PIP4P2: variants seen among roughly 807,000 people sequenced by gnomAD.
PIP4P2 encodes phosphatidylinositol-4,5-bisphosphate 4-phosphatase 2, also known as type 2 phosphatidylinositol 4,5-bisphosphate 4-phosphatase.
A neutral mutation model predicts 33.3 loss-of-function variants in PIP4P2; 19 were observed. The ratio of observed to expected loss-of-function variants is 0.57; its 90% CI spans 0.40 to 0.84. The LOEUF is 0.84. Among genes scored for constraint, PIP4P2 ranks in the 40% least tolerant of loss-of-function variants. The probability of loss-of-function intolerance (pLI) is 0.00; values close to 1 mark genes in which losing one functional copy is unlikely to be tolerated. For synonymous variants in PIP4P2, 110 were observed against 111.9 expected, an observed-to-expected ratio of 0.98 and a Z score of 0.11; for missense variants, 270 against 324.7, an observed-to-expected ratio of 0.83 and a Z score of 1.29.
chr8:90,995,912 G>T, intron 6 of PIP4P2, 92 bp from the exon 7 acceptor site: 1 of 1,363,438 alleles, frequency 7.3e-7, no homozygotes, highest in Non-Finnish European at 9.7e-7. Flanking sequence ...TGATTGTTAT[G>T]AAATATACCC....
intron 5 of PIP4P2, among the ~76,000 whole-genome samples, chr8:90,997,339 A>T (rs1811642113): frequency 6.6e-6 from 1 of 152,050 alleles, no homozygotes; most frequent in Non-Finnish European, 1.5e-5. Context: ...TAATTAAAAA[A>T]TTTTCTACTA....
intron 4 of PIP4P2, among the ~76,000 whole-genome samples, chr8:91,011,079 ATAGGCAACTGG>A (rs1811832299): frequency 6.7e-6 from 1 of 148,614 alleles, no homozygotes; most frequent in Non-Finnish European, 1.5e-5. Flanking sequence ...GATAGATACA[ATAGGCAACTGG>A]TAACACTTTG....
intron 5 of PIP4P2, 38 bp downstream of exon 5, chr8:91,008,705 G>A: frequency 6.3e-7 from 1 of 1,586,568 alleles, no homozygotes. Flanking sequence ...TTTGTCTCAA[G>A]TATTTCTCAA....
In PIP4P2 at chr8:91,007,206, C is replaced by A. The variant is rs1024744797; in HGVS notation, c.539+1537G>T. On this transcript the variant is annotated intron_variant, in intron 5 of 6. Coordinates refer to ENST00000285419, the MANE Select transcript of PIP4P2 (RefSeq NM_018710.3). ...TATTAAGGGTTTATCCACTTTGCTT[C>A]TCCATGTACAGACTTCTATTGGATT... Among the ~76,000 whole-genome samples, 67 of 152,108 alleles carry A rather than the reference C, an allele frequency of 4.4e-4. 3 individuals carry two copies. The highest frequency in any genetic ancestry group is 1.5e-5 in the Non-Finnish European group (1 of 68,020).
rs981744163 is a variant in PIP4P2, at chr8:90,995,811, G to A, written c.640C>T (p.Pro214Ser). The stretch of plus-strand genomic sequence containing the variant: ...GCTCGAAATCGCCTTGCAAAATCTG[G>A]GGTGCCAACCTAAAATAAAAAGCAA... ...FIGVGLTVGT[P>S]DFARRFRATY... The change falls in exon 7 of 7, where the codon CCA becomes TCA. Residue 214 changes from proline (P) to serine (S), a missense_variant. By Grantham distance (74) the Pro-to-Ser change is moderately conservative. Coordinates refer to ENST00000285419, the MANE Select transcript of PIP4P2 (RefSeq NM_018710.3). 6.2e-7 allele frequency: 1 copy of A among 1,602,410 alleles called. No individual in the cohort carries two copies.
At chr8:91,010,399 A>C (rs912589235) in intron 4 of PIP4P2, among the ~76,000 whole-genome samples, 19 of 151,948 alleles carry the variant, frequency 1.3e-4, no homozygotes, top group Admixed American at 9.2e-4. Context: ...AGACTGACAT[A>C]GGAATTTCAG....
chr8:91,001,502 TAA>T (rs1811699105), intron 5 of PIP4P2, among the ~76,000 whole-genome samples: 1 of 152,036 alleles, frequency 6.6e-6, no homozygotes, highest in Non-Finnish European at 1.5e-5. Context: ...CTTGTATGGC[TAA>T]GTTTTTTTTT....
intron 4 of PIP4P2, chr8:91,016,603 A>G (rs1001917735): frequency 6.6e-6 from 1 of 152,196 alleles, no homozygotes; most frequent in African/African-American, 2.4e-5. Flanking sequence ...ATTAAAAACC[A>G]CTTAAGAGAA....
chr8:91,036,221 A>G lies in PIP4P2; in HGVS notation c.106+4423T>C, dbSNP rs186322220. On this transcript the variant is annotated intron_variant, in intron 1 of 6. Coordinates refer to ENST00000285419, the MANE Select transcript of PIP4P2 (RefSeq NM_018710.3). ...CCAGGCCCCGTTTCTTAGTCCTAAG[A>G]AACGAGGACTAAGAAGAGATATGAC... 1.8e-3 allele frequency among the ~76,000 whole-genome samples: 268 copies of G among 152,088 alleles called. 2 individuals are homozygous for G. Among genetic ancestry groups the G allele is most frequent in the African/African-American group, 6.2e-3 (259 of 41,484 alleles).
chr8:91,017,055 TTGAC>T (rs1289694076), intron 4 of PIP4P2, among the ~76,000 whole-genome samples: 3 of 152,282 alleles, frequency 2.0e-5, no homozygotes, highest in Non-Finnish European at 4.4e-5. Context: ...ATGTTGCAAT[TTGAC>T]TGGGAGTATG....
intron 2 of PIP4P2, among the ~76,000 whole-genome samples, chr8:91,020,481 TTA>T (rs1269227328): frequency 6.6e-6 from 1 of 152,200 alleles, no homozygotes; most frequent in Non-Finnish European, 1.5e-5. Context: ...CTGACTTTTT[TTA>T]GTCTTTTCTA....
chr8:91,039,151 G>C (rs957131076), intron 1 of PIP4P2, among the ~76,000 whole-genome samples: 1 of 152,138 alleles, frequency 6.6e-6, no homozygotes, highest in Non-Finnish European at 1.5e-5. Context: ...GCCATAAAAG[G>C]CTGACTTGAT....
chr8:90,995,517 A>T lies in PIP4P2; in HGVS notation c.*160T>A. The stretch of plus-strand genomic sequence containing the variant: ...CAGCAAAACAATTTGCATATAATAT[A>T]GTGCAATGAGCATTTGTTCATAAAA... On this transcript the variant is annotated 3_prime_UTR_variant, in exon 7 of 7. Coordinates refer to ENST00000285419, the MANE Select transcript of PIP4P2 (RefSeq NM_018710.3). The T allele has an allele frequency of 2.6e-6, 2 of 772,222 alleles. No homozygotes were observed. Among genetic ancestry groups the T allele is most frequent in the Non-Finnish European group, 3.7e-6 (2 of 547,782 alleles). 47.8% of individuals were successfully genotyped at this position (772,222 alleles called of 1,614,324 possible).
intron 3 of PIP4P2, chr8:91,018,737 C>A: frequency 2.1e-6 from 1 of 474,174 alleles, no homozygotes; most frequent in Non-Finnish European, 3.7e-6. Context: ...TAGCATTGGT[C>A]CTAATCAATG....
chr8:91,005,999 C>G (rs1455117365), intron 5 of PIP4P2, among the ~76,000 whole-genome samples: 1 of 152,184 alleles, frequency 6.6e-6, no homozygotes, highest in African/African-American at 2.4e-5. Flanking sequence ...GTCTTTGGAG[C>G]TCTAGGGGAA....
intron 1 of PIP4P2, among the ~76,000 whole-genome samples, chr8:91,040,400 C>CCACCAT (rs1812287940): frequency 9.0e-6 from 1 of 110,744 alleles, no homozygotes; most frequent in Non-Finnish European, 2.3e-5. Context: ...ACCATCACCA[C>CCACCAT]CACCACCACC....
chr8:90,996,152 T>C (rs1451196917), intron 6 of PIP4P2, among the ~76,000 whole-genome samples: 3 of 152,138 alleles, frequency 2.0e-5, no homozygotes, highest in Admixed American at 1.3e-4. Context: ...CAAAGGAGCA[T>C]GGAAATGGCA....
At chr8:91,018,017 G>T (rs1811943031) in intron 4 of PIP4P2, among the ~76,000 whole-genome samples, 1 of 152,006 alleles carries the variant, frequency 6.6e-6, no homozygotes, top group Non-Finnish European at 1.5e-5. Context: ...CCTCAATCTA[G>T]AAGCCATGAA....
At chr8:91,003,096 C>T (rs938369856) in intron 5 of PIP4P2, among the ~76,000 whole-genome samples, 1 of 151,984 alleles carries the variant, frequency 6.6e-6, no homozygotes, top group Non-Finnish European at 1.5e-5. Context: ...ATATACAAAC[C>T]TAAAATAACA....
Sources: gnomAD v4.1 joint callset for allele counts (sites outside exome capture counted in the v4.1 genomes callset) on GRCh38, gnomAD v4.1.1 for gene constraint, MANE v1.5 for transcripts, NCBI Gene and HGNC (gene_info 2026-07-23, HGNC 2026-07-21) for gene names.